Variants in ATAD3A observed in about 807,000 individuals in gnomAD.
ATAD3A encodes ATPase family AAA domain-containing protein 3A.
Under a neutral mutation model 73.8 loss-of-function variants are expected in ATAD3A, and 46 were observed. The ratio of observed to expected loss-of-function variants is 0.62; its 90% CI spans 0.49 to 0.80. The LOEUF is 0.80. Among genes scored for constraint, ATAD3A ranks in the 30% least tolerant of loss-of-function variants. The probability of loss-of-function intolerance (pLI) is 0.00; values close to 1 mark genes in which losing one functional copy is unlikely to be tolerated. For missense variants in ATAD3A, 705 were observed against 838.0 expected, an observed-to-expected ratio of 0.84 and a Z score of 1.96; for synonymous variants, 319 against 350.0, an observed-to-expected ratio of 0.91 and a Z score of 0.99.
chr1:1,526,007 C>T (rs984693470), intron 12 of ATAD3A, among the ~76,000 whole-genome samples: 1 of 151,618 alleles, frequency 6.6e-6, no homozygotes, highest in African/African-American at 2.4e-5. Flanking sequence ...CGTGCCCGGT[C>T]AGGCTTTCTT....
chr1:1,528,956 C>T (rs1032513039), intron 14 of ATAD3A, among the ~76,000 whole-genome samples: 5 of 152,256 alleles, frequency 3.3e-5, no homozygotes, highest in Non-Finnish European at 7.3e-5. Context: ...ATAAAGGCCA[C>T]CTGCCCTGCG....
intron 14 of ATAD3A, 134 bp from the exon 15 acceptor site, chr1:1,529,089 G>A: frequency 7.4e-7 from 1 of 1,357,224 alleles, no homozygotes; most frequent in Non-Finnish European, 1.0e-6. Flanking sequence ...GTGGAGCTGG[G>A]CTGTCAGAAG....
chr1:1,529,093 T>G (rs1406950437), intron 14 of ATAD3A, 130 bp from the exon 15 acceptor site: 2 of 1,398,768 alleles, frequency 1.4e-6, no homozygotes, highest in Non-Finnish European at 2.0e-6. Context: ...AGCTGGGCTG[T>G]CAGAAGTAGA....
In ATAD3A at chr1:1,516,200, G is replaced by A; in HGVS notation, c.282+112G>A. 2.0e-6 allele frequency: 3 copies of A among 1,503,908 alleles called. No individual in the cohort carries two copies. In the South Asian group the frequency reaches 3.5e-5, roughly 18 times the overall value. The allele number at this position is 1,503,908 out of a possible 1,614,324, so 93.2% of individuals were successfully genotyped here. Reference sequence around the variant, plus strand: ...GCCGGGGGTGTGTACATGGGCAGCAGTGGGGCCCAGGGCCAAGCTTGGGCG... The same window carrying A: ...GCCGGGGGTGTGTACATGGGCAGCAATGGGGCCCAGGGCCAAGCTTGGGCG... On this transcript the variant is annotated intron_variant, in intron 2 of 15. Transcript: ENST00000378756.
intron 15 of ATAD3A, among the ~76,000 whole-genome samples, chr1:1,530,565 C>T (rs1469533252): frequency 8.7e-6 from 1 of 115,232 alleles, no homozygotes; most frequent in East Asian, 2.9e-4. Flanking sequence ...CGCGGTGGCT[C>T]ACGCCTGTAA....
At position 1,533,876 on chromosome 1, in the gene ATAD3A, G is replaced by A. The variant is rs541569172; in HGVS notation, c.1615-50G>A. 6.3e-6 allele frequency: 10 copies of A among 1,594,596 alleles called. No homozygotes were observed. The African/African-American group carries it at 1.2e-4, about 20-fold the overall frequency. ...CCTCGGGGCCCTGGCGTGCATTTGG[G>A]GTGGGGGGTTCCCATGGCGGCCTCC... is the stretch of plus-strand genomic sequence containing the variant. On this transcript the variant is annotated intron_variant, in intron 15 of 15. Transcript: ENST00000378756.
rs183256833 is a variant in ATAD3A at position 1,528,568 on chromosome 1, C to T, written c.1506-655C>T. 8.9e-3 allele frequency among the ~76,000 whole-genome samples: 1,355 copies of T among 152,368 alleles called. 31 individuals carry two copies. The highest frequency in any genetic ancestry group is 7.9e-3 in the South Asian group (38 of 4,832). On this transcript the variant is annotated intron_variant, in intron 14 of 15. Coordinates refer to ENST00000378756, the MANE Select transcript of ATAD3A (RefSeq NM_001170535.3). Reference sequence around the variant, plus strand: ...AGGCTGTCAGGCTCCCTGTTGCTGGCGGTGGGTGCAGCAGGCACGGTGGGC... The same window carrying T: ...AGGCTGTCAGGCTCCCTGTTGCTGGTGGTGGGTGCAGCAGGCACGGTGGGC...
intron 13 of ATAD3A, chr1:1,527,146 C>G (rs181526331): frequency 1.5e-6 from 2 of 1,301,252 alleles, no homozygotes; most frequent in Non-Finnish European, 2.0e-6. Flanking sequence ...TTCTTGGTCT[C>G]CTGGGCCCCT....
rs139221376 is a variant in ATAD3A, at chr1:1,522,869, G to C, written c.876G>C (p.Thr292=). 6.5e-5 allele frequency: 104 copies of C among 1,609,372 alleles called. 2 individuals are homozygous for C. In the African/African-American group the frequency reaches 1.2e-3, roughly 18 times the overall value. The change falls in exon 8 of 16, where the codon ACG becomes ACC. Residue 292 remains threonine, a synonymous_variant. Coordinates refer to ENST00000378756, the MANE Select transcript of ATAD3A (RefSeq NM_001170535.3). ...TAGTGAGGGAGACGTCCCGCATCACGGTGCTTGAGGCGCTGCGGCACCCCA... is the reference window on the plus strand; with the variant it reads ...TAGTGAGGGAGACGTCCCGCATCACCGTGCTTGAGGCGCTGCGGCACCCCA... ...PSLVRETSRI[T]VLEALRHPIQ... is the part of the protein sequence containing the mutation.
chr1:1,530,045 G>A (rs1362121446), intron 15 of ATAD3A, among the ~76,000 whole-genome samples: 2 of 152,254 alleles, frequency 1.3e-5, no homozygotes, highest in Non-Finnish European at 2.9e-5. Flanking sequence ...GAATGAACGT[G>A]TGACAGCTTA....
chr1:1,512,487 G>A lies in ATAD3A; in HGVS notation c.205+14G>A. ...TGGAGCACTCGCGTGAGTGCGGCGGGGCGGGGCGGCGCGGGCGGGCGGGCG... is the reference window on the plus strand; with the variant it reads ...TGGAGCACTCGCGTGAGTGCGGCGGAGCGGGGCGGCGCGGGCGGGCGGGCG... On this transcript the variant is annotated intron_variant, in intron 1 of 15. Transcript: ENST00000378756. 8.4e-7 allele frequency: 1 copy of A among 1,191,632 alleles called. No individual in the cohort carries two copies. Among genetic ancestry groups the A allele is most frequent in the Non-Finnish European group, 1.0e-6 (1 of 971,268 alleles). 73.8% of individuals were successfully genotyped at this position (1,191,632 alleles called of 1,614,324 possible).
chr1:1,518,112 C>G (rs114685401), intron 4 of ATAD3A, among the ~76,000 whole-genome samples: 1 of 150,678 alleles, frequency 6.6e-6, no homozygotes, highest in Non-Finnish European at 1.5e-5. Flanking sequence ...CACAGACACC[C>G]CCACACAGAG....
Position 1,517,456 on chromosome 1 carries a change from G to C in ATAD3A, c.384+44G>C, listed in dbSNP as rs779012956. The C allele has an allele frequency of 5.5e-5, 78 of 1,423,652 alleles. No individual in the cohort carries two copies. The South Asian group carries it at 1.1e-3, about 20-fold the overall frequency. 88.2% of individuals were successfully genotyped at this position (1,423,652 alleles called of 1,614,324 possible). ...GCGAGGGAGGCCGCCCGGCTGCGGG[G>C]AGCGGCCTGGGGCAGGACTGGGAGC... On this transcript the variant is annotated intron_variant, in intron 3 of 15. Coordinates refer to ENST00000378756, the MANE Select transcript of ATAD3A (RefSeq NM_001170535.3).
At chr1:1,524,044 C>T in intron 10 of ATAD3A, 80 bp downstream of exon 10, 1 of 1,607,278 alleles carries the variant, frequency 6.2e-7, no homozygotes, top group South Asian at 1.1e-5. Flanking sequence ...GGCTCAGCTG[C>T]CTGGGGAATG....
chr1:1,517,052 C>T (rs1327619867), intron 2 of ATAD3A: 1 of 1,481,420 alleles, frequency 6.8e-7, no homozygotes, highest in East Asian at 2.5e-5. Flanking sequence ...GCTCTGCCCT[C>T]AGTGCAGTCC....
chr1:1,517,077 G>T lies in ATAD3A; in HGVS notation c.283-234G>T, dbSNP rs1432549305. ...CAGTGCAGTCCAAAAGGGGGTGTCC[G>T]GCCTCCCTCCCGGGGGGCCTTCGCG... On this transcript the variant is annotated intron_variant, in intron 2 of 15. Coordinates refer to ENST00000378756, the MANE Select transcript of ATAD3A (RefSeq NM_001170535.3). 9 of 1,514,282 alleles carry T rather than the reference G, an allele frequency of 5.9e-6. No homozygotes were observed. The East Asian group carries it at 1.2e-4, about 21-fold the overall frequency. The allele number at this position is 1,514,282 out of a possible 1,614,324, so 93.8% of individuals were successfully genotyped here. A position where few individuals can be genotyped will look rare whatever the true frequency, so the allele number is the denominator to read the frequency against.
Position 1,529,351 on chromosome 1 carries a change from G to A in ATAD3A, c.1614+20G>A, listed in dbSNP as rs201337425. The A allele has an allele frequency of 6.2e-5, 95 of 1,544,522 alleles. No homozygotes were observed. Among genetic ancestry groups the A allele is most frequent in the Admixed American group, 4.5e-4 (23 of 50,742 alleles). On this transcript the variant is annotated intron_variant, in intron 15 of 15. Coordinates refer to ENST00000378756, the MANE Select transcript of ATAD3A (RefSeq NM_001170535.3). The stretch of plus-strand genomic sequence containing the variant: ...TGGCAGGTGAGTCAGGCTCCGGCAC[G>A]TCCACCCAGACGGGACCCCAGCTGC...
chr1:1,516,044 A>T lies in ATAD3A; in HGVS notation c.238A>T (p.Met80Leu), dbSNP rs754630444. The change falls in exon 2 of 16, where the codon ATG becomes TTG. Residue 80 changes from methionine to leucine, a missense_variant. By Grantham distance (15) the Met-to-Leu change is conservative. This residue lies in a region of ATAD3A where 125 missense variants were observed against 170.6 expected (regional missense o/e 0.73). Coordinates refer to ENST00000378756, the MANE Select transcript of ATAD3A (RefSeq NM_001170535.3). The part of the protein sequence containing the change: ...YAKDALNLAQ[M>L]QEQTLQLEQQ... ...CAAGGACGCCCTGAATCTGGCACAG[A>T]TGCAGGAGCAGACGCTGCAGTTGGA... The T allele has an allele frequency of 1.2e-6, 2 of 1,614,016 alleles. No individual in the cohort carries two copies. Among genetic ancestry groups the T allele is most frequent in the East Asian group, 2.2e-5 (1 of 44,876 alleles).
chr1:1,512,178 G>A lies in ATAD3A; in HGVS notation c.-91G>A, dbSNP rs1301620252. 10 of 1,214,352 alleles carry A rather than the reference G, an allele frequency of 8.2e-6. No individual in the cohort carries two copies. Among genetic ancestry groups the A allele is most frequent in the African/African-American group, 6.3e-5 (4 of 63,458 alleles). The allele number at this position is 1,214,352 out of a possible 1,614,324, so 75.2% of individuals were successfully genotyped here. On this transcript the variant is annotated 5_prime_UTR_variant, in exon 1 of 16. Transcript: ENST00000378756. Reference sequence around the variant, plus strand: ...CGCCTGCGCAGTGGCGGTGACCACCGGCTCGCGGCGCGTGGAGGCTGCTCC... The same window carrying A: ...CGCCTGCGCAGTGGCGGTGACCACCAGCTCGCGGCGCGTGGAGGCTGCTCC...
Sources: allele counts gnomAD v4.1 joint callset (sites outside exome capture counted in the v4.1 genomes callset), GRCh38; gene constraint gnomAD v4.1.1; regional missense constraint gnomAD v4.1.1; transcripts MANE v1.5; gene names NCBI Gene and HGNC (gene_info 2026-07-23, HGNC 2026-07-21).